The following OSBPL3 variants were observed in gnomAD, a reference collection of about 807,000 sequenced individuals.
OSBPL3 encodes oxysterol-binding protein-related protein 3.
A neutral mutation model predicts 120.1 loss-of-function variants in OSBPL3; 65 were observed. The observed-to-expected ratio is 0.54, with a 90% CI of 0.44 to 0.67. The LOEUF (loss-of-function observed/expected upper bound fraction) is 0.67, where lower values mean the gene tolerates loss of function less well. OSBPL3 is among the 30% of genes least tolerant of loss of function. The pLI, the probability that OSBPL3 is intolerant of heterozygous loss-of-function variation, is 0.00. For missense variants in OSBPL3, 1,004 were observed against 1,082.1 expected, an observed-to-expected ratio of 0.93 and a Z score of 1.01; for synonymous variants, 416 against 402.6, an observed-to-expected ratio of 1.03 and a Z score of -0.40.
At chr7:24,823,736 C>T (rs1795381705) in intron 16 of OSBPL3, among the ~76,000 whole-genome samples, 1 of 152,126 alleles carries the variant, frequency 6.6e-6, no homozygotes, top group African/African-American at 2.4e-5. Flanking sequence ...ATGTCTTCTT[C>T]GAATCTTAGC....
intron 1 of OSBPL3, among the ~76,000 whole-genome samples, chr7:24,893,554 G>A (rs1805668593): frequency 1.3e-5 from 2 of 152,166 alleles, no homozygotes; most frequent in Non-Finnish European, 2.9e-5. Context: ...GCTCATGCCT[G>A]TAATCCTAAC....
intron 1 of OSBPL3, among the ~76,000 whole-genome samples, chr7:24,941,034 T>C (rs1307970450): frequency 1.3e-5 from 2 of 152,138 alleles, no homozygotes; most frequent in African/African-American, 4.8e-5. Context: ...TTAGCCAGGA[T>C]TGTCTCGATC....
intron 20 of OSBPL3, among the ~76,000 whole-genome samples, chr7:24,809,403 T>C (rs1381504825): frequency 6.6e-6 from 1 of 152,134 alleles, no homozygotes; most frequent in African/African-American, 2.4e-5. Context: ...TGGGGATAGT[T>C]AACATTTGTA....
chr7:24,848,971 C>T (rs1025135605), intron 12 of OSBPL3, 98 bp downstream of exon 12: 2 of 815,868 alleles, frequency 2.5e-6, no homozygotes, highest in African/African-American at 3.3e-5. Context: ...GTGGACAGCA[C>T]CCATGAGGGG....
chr7:24,885,253 G>C (rs924345833), intron 2 of OSBPL3, among the ~76,000 whole-genome samples: 3 of 151,680 alleles, frequency 2.0e-5, no homozygotes, highest in African/African-American at 7.3e-5. Context: ...GAAAGAAATG[G>C]GACTAACCAT....
At chr7:24,911,228 C>T (rs10276821) in intron 1 of OSBPL3, among the ~76,000 whole-genome samples, 1,780 of 152,286 alleles carry the variant, frequency 0.012, 36 homozygotes, top group African/African-American at 0.041. Flanking sequence ...AAAGATAGCA[C>T]CACCCAAGAA....
At position 24,831,168 on chromosome 7, in the gene OSBPL3, T is replaced by C. The variant is rs896349475; in HGVS notation, c.1747-263A>G. Among the ~76,000 whole-genome samples, 1 of 152,172 alleles carries C rather than the reference T, an allele frequency of 6.6e-6. No homozygotes were observed. The highest frequency in any genetic ancestry group is 2.4e-5 in the African/African-American group (1 of 41,434). The stretch of plus-strand genomic sequence containing the variant: ...GGGAGATGCTATAAAGACGATGACA[T>C]TTCTAAACTGGACTACACTGTTTCT... On this transcript the variant is annotated intron_variant, in intron 15 of 22. Transcript: ENST00000313367. This position sits in a 1 kb window ranked among gnomAD's most constrained non-coding sequence, Gnocchi z 4.0.
rs910032986 is a variant in OSBPL3 at position 24,830,637 on chromosome 7, T to C, written c.1884+131A>G. Reference sequence around the variant, plus strand: ...GAAGGGAAATCGATCCCTCCCTTTATGTTGAAAAGCACTGTAATTATCTCG... The same window carrying C: ...GAAGGGAAATCGATCCCTCCCTTTACGTTGAAAAGCACTGTAATTATCTCG... On this transcript the variant is annotated intron_variant, in intron 16 of 22. Coordinates refer to ENST00000313367, the MANE Select transcript of OSBPL3 (RefSeq NM_015550.4). The surrounding 1 kb of genome is among the most constrained non-coding windows in gnomAD (Gnocchi z 4.4). The C allele has an allele frequency of 2.2e-6, 2 of 919,670 alleles. No individual in the cohort carries two copies. Among genetic ancestry groups the C allele is most frequent in the Non-Finnish European group, 1.6e-6 (1 of 616,588 alleles). 57.0% of individuals were successfully genotyped at this position (919,670 alleles called of 1,614,324 possible).
chr7:24,926,331 T>C (rs1253637309), intron 1 of OSBPL3, among the ~76,000 whole-genome samples: 1 of 152,180 alleles, frequency 6.6e-6, no homozygotes, highest in Non-Finnish European at 1.5e-5. Flanking sequence ...GAATCATCCA[T>C]GGACAATGTA....
chr7:24,875,831 C>A (rs540633624), intron 2 of OSBPL3, among the ~76,000 whole-genome samples: 1 of 151,778 alleles, frequency 6.6e-6, no homozygotes, highest in East Asian at 1.9e-4. Flanking sequence ...GAGAGTAAAG[C>A]AATCACTAAA....
At position 24,980,020 on chromosome 7, in the gene OSBPL3, C is replaced by T. The variant is rs907482688; in HGVS notation, c.-284G>A. 2.1e-4 allele frequency: 209 copies of T among 985,472 alleles called. No individual in the cohort carries two copies. In the Middle Eastern group the frequency reaches 3.7e-3, roughly 17 times the overall value. The allele number at this position is 985,472 out of a possible 1,614,324, so 61.0% of individuals were successfully genotyped here. On this transcript the variant is annotated 5_prime_UTR_variant, in exon 1 of 23. Coordinates refer to ENST00000313367, the MANE Select transcript of OSBPL3 (RefSeq NM_015550.4). ...GTGCAGCTGACAGCTCCCGCACCGG[C>T]CGCAGGAGTCGGGGGCGGGGATGGC... is the stretch of plus-strand genomic sequence containing the variant.
At chr7:24,811,077 A>G (rs1793739477) in intron 19 of OSBPL3, among the ~76,000 whole-genome samples, 1 of 152,176 alleles carries the variant, frequency 6.6e-6, no homozygotes, top group East Asian at 1.9e-4. Flanking sequence ...TGGTAATTCC[A>G]TTTCTAATTG....
chr7:24,807,011 C>G, intron 20 of OSBPL3, 109 bp from the exon 21 acceptor site: 2 of 877,796 alleles, frequency 2.3e-6, no homozygotes, highest in Non-Finnish European at 3.5e-6. Flanking sequence ...TCTCTCAGCT[C>G]CCTTCCATTT....
At chr7:24,816,502 A>C (rs1794481128) in intron 18 of OSBPL3, 108 bp downstream of exon 18, 1 of 730,962 alleles carries the variant, frequency 1.4e-6, no homozygotes, top group South Asian at 1.6e-5. Flanking sequence ...AAAAGAAAAA[A>C]TACACACTCA....
Position 24,813,825 on chromosome 7 carries a change from G to A in OSBPL3, c.2172+1234C>T, listed in dbSNP as rs974449196. ...ATTTTTAAGAGCAAGAAGGAATCTA[G>A]GAGGGAGAGAAAGCAGGGAGGGCCG... is the stretch of plus-strand genomic sequence containing the variant. On this transcript the variant is annotated intron_variant, in intron 19 of 22. Coordinates refer to ENST00000313367, the MANE Select transcript of OSBPL3 (RefSeq NM_015550.4). The surrounding 1 kb of genome is among the most constrained non-coding windows in gnomAD (Gnocchi z 4.5). Among the ~76,000 whole-genome samples, 10 of 152,222 alleles carry A rather than the reference G, an allele frequency of 6.6e-5. No homozygotes were observed. The highest frequency in any genetic ancestry group is 2.2e-4 in the African/African-American group (9 of 41,458).
rs1799574394 is a variant in OSBPL3 at position 24,854,504 on chromosome 7, A to ACG, written c.1028-1871_1028-1870insCG. Among the ~76,000 whole-genome samples, 2 of 47,028 alleles carry ACG rather than the reference A, an allele frequency of 4.3e-5. No homozygotes were observed. The highest frequency in any genetic ancestry group is 1.6e-4 in the African/African-American group (2 of 12,442). The allele number at this position is 47,028 out of a possible 152,430, so 30.9% of individuals were successfully genotyped here. A position where few individuals can be genotyped will look rare whatever the true frequency, so the allele number is the denominator to read the frequency against. On this transcript the variant is annotated intron_variant, in intron 10 of 22. Transcript: ENST00000313367. The surrounding 1 kb of genome is among the most constrained non-coding windows in gnomAD (Gnocchi z 4.1). Reference sequence around the variant, plus strand: ...CAACAATTTGTACACACACACACGCACACACACACACACACACACACACAC... The same window carrying ACG: ...CAACAATTTGTACACACACACACGCACGCACACACACACACACACACACACAC...
At chr7:24,811,433 T>G (rs923686104) in intron 19 of OSBPL3, among the ~76,000 whole-genome samples, 5 of 152,266 alleles carry the variant, frequency 3.3e-5, no homozygotes, top group Non-Finnish European at 7.3e-5. Flanking sequence ...GATGTATAGT[T>G]TACAAATATT....
At chr7:24,897,487 G>A (rs1293277269) in intron 1 of OSBPL3, among the ~76,000 whole-genome samples, 1 of 151,394 alleles carries the variant, frequency 6.6e-6, no homozygotes, top group Non-Finnish European at 1.5e-5. Flanking sequence ...TACCACGCCC[G>A]GCTAATTTTT....
chr7:24,957,066 A>G (rs935324820), intron 1 of OSBPL3, among the ~76,000 whole-genome samples: 2 of 152,318 alleles, frequency 1.3e-5, no homozygotes, highest in East Asian at 3.9e-4. Flanking sequence ...CTAAGTAGGT[A>G]GAACTGCTGT....
Sources: allele counts gnomAD v4.1 joint callset (sites outside exome capture counted in the v4.1 genomes callset), GRCh38; gene constraint gnomAD v4.1.1; non-coding constraint Gnocchi (gnomAD v3.1); transcripts MANE v1.5; gene names NCBI Gene and HGNC (gene_info 2026-07-23, HGNC 2026-07-21).